Variants in PALM2AKAP2 observed in about 807,000 individuals in gnomAD.
PALM2AKAP2 encodes the protein PALM2-AKAP2 fusion protein.
In PALM2AKAP2, 37 loss-of-function variants were observed where a neutral mutation model predicts 71.5. The observed-to-expected ratio is 0.52, with a 90% confidence interval of 0.40 to 0.68. The LOEUF (loss-of-function observed/expected upper bound fraction) is 0.68, where lower values mean the gene tolerates loss of function less well. Among genes scored for constraint, PALM2AKAP2 ranks in the 30% least tolerant of loss-of-function variants. PALM2AKAP2 has a pLI of 0.00. For synonymous variants in PALM2AKAP2, 468 were observed against 478.8 expected, an observed-to-expected ratio of 0.98 and a Z score of 0.29; for missense variants, 1,224 against 1,191.8, an observed-to-expected ratio of 1.03 and a Z score of -0.40.
intron 1 of PALM2AKAP2, among the ~76,000 whole-genome samples, chr9:109,761,993 T>C (rs1829061436): frequency 6.6e-6 from 1 of 152,144 alleles, no homozygotes; most frequent in Non-Finnish European, 1.5e-5. Context: ...TGAGATACCA[T>C]CTCATGCCAG....
At chr9:110,080,176 A>G (rs750624561) in intron 1 of PALM2AKAP2, among the ~76,000 whole-genome samples, 1 of 151,804 alleles carries the variant, frequency 6.6e-6, no homozygotes, top group Non-Finnish European at 1.5e-5. Flanking sequence ...TTCAGCAGCT[A>G]CTACACGCTA....
upstream of PALM2AKAP2, chr9:110,048,541 A>T: frequency 3.1e-6 from 2 of 644,310 alleles, no homozygotes; most frequent in South Asian, 2.1e-5. Context: ...CTGAGAGGAG[A>T]AGGTGTGGGT....
chr9:110,029,712 C>T (rs1210818735), intron 7 of PALM2AKAP2, among the ~76,000 whole-genome samples: 1 of 152,192 alleles, frequency 6.6e-6, no homozygotes, highest in Non-Finnish European at 1.5e-5. Context: ...AACCAAGCCA[C>T]GCAAACCAAA....
At chr9:110,025,186 TG>T in intron 7 of PALM2AKAP2, 1 of 1,375,430 alleles carries the variant, frequency 7.3e-7, no homozygotes, top group Non-Finnish European at 1.0e-6. Flanking sequence ...AGTTTTGCCA[TG>T]GTAACACTTG....
intron 1 of PALM2AKAP2, among the ~76,000 whole-genome samples, chr9:110,080,769 C>G (rs762886414): frequency 5.9e-5 from 9 of 152,198 alleles, no homozygotes; most frequent in Non-Finnish European, 1.2e-4. Flanking sequence ...ACCTCCGCCT[C>G]CCGGGTTCAA....
intron 6 of PALM2AKAP2, among the ~76,000 whole-genome samples, chr9:109,938,011 G>T (rs1039348815): frequency 1.3e-5 from 2 of 152,182 alleles, no homozygotes; most frequent in Non-Finnish European, 2.9e-5. Context: ...GTGCTTTGTG[G>T]TTAGAGACAA....
intron 1 of PALM2AKAP2, among the ~76,000 whole-genome samples, chr9:109,812,309 G>T (rs1168614718): frequency 6.6e-6 from 1 of 152,180 alleles, no homozygotes; most frequent in Non-Finnish European, 1.5e-5. Context: ...CTCCTGAGTT[G>T]CTGGGTCTGG....
intron 1 of PALM2AKAP2, among the ~76,000 whole-genome samples, chr9:110,085,525 G>T (rs1314475185): frequency 6.6e-6 from 1 of 152,130 alleles, no homozygotes; most frequent in African/African-American, 2.4e-5. Context: ...ACTTTGGGCC[G>T]AGTTAGCAAT....
chr9:109,802,455 G>T (rs565268327), intron 1 of PALM2AKAP2, among the ~76,000 whole-genome samples: 1 of 152,308 alleles, frequency 6.6e-6, no homozygotes, highest in African/African-American at 2.4e-5. Context: ...CCAGACATTT[G>T]CTGTGTTGAA....
At chr9:110,008,958 C>G (rs1418405841) in intron 6 of PALM2AKAP2, among the ~76,000 whole-genome samples, 1 of 152,128 alleles carries the variant, frequency 6.6e-6, no homozygotes, top group African/African-American at 2.4e-5. Flanking sequence ...CTCAGCAACT[C>G]TAAGGAGGCC....
intron 1 of PALM2AKAP2, among the ~76,000 whole-genome samples, chr9:109,858,163 T>C (rs1829218239): frequency 6.6e-6 from 1 of 152,198 alleles, no homozygotes; most frequent in Non-Finnish European, 1.5e-5. Flanking sequence ...GAGTTCCAAT[T>C]GTTTGATGCT....
chr9:109,770,319 T>C (rs1362511980), intron 1 of PALM2AKAP2, among the ~76,000 whole-genome samples: 2 of 152,088 alleles, frequency 1.3e-5, no homozygotes, highest in Non-Finnish European at 2.9e-5. Context: ...TTGGAAGAAT[T>C]CAAGGAATTC....
chr9:109,893,844 G>A (rs1355221799), intron 3 of PALM2AKAP2, among the ~76,000 whole-genome samples: 2 of 152,124 alleles, frequency 1.3e-5, no homozygotes, highest in Non-Finnish European at 2.9e-5. Context: ...AGGGGGCTGC[G>A]GGGAGAGAGA....
At chr9:109,839,825 T>G (rs1828602090) in intron 1 of PALM2AKAP2, among the ~76,000 whole-genome samples, 1 of 152,138 alleles carries the variant, frequency 6.6e-6, no homozygotes, top group Non-Finnish European at 1.5e-5. Flanking sequence ...AAGGACCTCT[T>G]CAAGGAGAGC....
At chr9:110,157,856 G>C (rs1234657689) in intron 3 of PALM2AKAP2, among the ~76,000 whole-genome samples, 1 of 152,218 alleles carries the variant, frequency 6.6e-6, no homozygotes, top group East Asian at 1.9e-4. Context: ...TTGAAGCCCA[G>C]ATGCTGAAAG....
At chr9:109,918,268 C>T (rs775958252) in intron 3 of PALM2AKAP2, among the ~76,000 whole-genome samples, 23 of 152,280 alleles carry the variant, frequency 1.5e-4, no homozygotes, top group African/African-American at 4.8e-4. Flanking sequence ...AGAGCATGAT[C>T]GATGCACTTC....
At chr9:109,875,756 A>T (rs920754773) in intron 2 of PALM2AKAP2, among the ~76,000 whole-genome samples, 5 of 152,132 alleles carry the variant, frequency 3.3e-5, no homozygotes, top group African/African-American at 1.2e-4. Flanking sequence ...TGTCTTAGGA[A>T]GTTCTCCTGG....
At chr9:109,726,316 C>T (rs1446109509) in intron 1 of PALM2AKAP2, among the ~76,000 whole-genome samples, 1 of 152,188 alleles carries the variant, frequency 6.6e-6, no homozygotes, top group Non-Finnish European at 1.5e-5. Flanking sequence ...GCAGCTGATG[C>T]CTTCAGTTTT....
intron 6 of PALM2AKAP2, among the ~76,000 whole-genome samples, chr9:109,949,358 AT>A (rs1350597615): frequency 5.9e-5 from 9 of 152,220 alleles, no homozygotes; most frequent in Non-Finnish European, 1.2e-4. Context: ...ATGGACTCAA[AT>A]TCTATGATTG....
Sources: allele counts gnomAD v4.1 joint callset (sites outside exome capture counted in the v4.1 genomes callset), GRCh38; gene constraint gnomAD v4.1.1; transcripts MANE v1.5; gene names NCBI Gene and HGNC (gene_info 2026-07-23, HGNC 2026-07-21).